Variants in TSHZ2 observed in about 807,000 individuals in gnomAD.
TSHZ2 encodes the protein teashirt homolog 2.
Under a neutral mutation model 74.4 loss-of-function variants are expected in TSHZ2, and 21 were observed. The observed-to-expected ratio is 0.28, with a 90% confidence interval of 0.20 to 0.41. The LOEUF (loss-of-function observed/expected upper bound fraction) is 0.41. Among genes scored for constraint, TSHZ2 ranks in the 10% least tolerant of loss-of-function variants. The pLI is 1.00. For synonymous variants in TSHZ2, 540 were observed against 515.3 expected (o/e 1.05, Z -0.65); for missense variants, 1,244 against 1,293.5 (o/e 0.96, Z 0.59).
At chr20:53,409,802 G>A in intron 2 of TSHZ2, among the ~76,000 whole-genome samples, 1 of 145,386 alleles carries the variant, frequency 6.9e-6, no homozygotes, top group South Asian at 2.2e-4. Flanking sequence ...CCTTGAAAAA[G>A]GTCTTCAGAA....
intron 1 of TSHZ2, among the ~76,000 whole-genome samples, chr20:53,050,523 T>C (rs567201129): frequency 6.6e-5 from 10 of 152,324 alleles, no homozygotes; most frequent in Non-Finnish European, 1.3e-4. Context: ...TCAAAGAATG[T>C]CTTGCCCGCA....
At chr20:53,458,582 A>C (rs1439350514) in intron 2 of TSHZ2, among the ~76,000 whole-genome samples, 1 of 151,692 alleles carries the variant, frequency 6.6e-6, no homozygotes, top group Non-Finnish European at 1.5e-5. Flanking sequence ...CTCTGATTTT[A>C]GTTATTTCTT....
intron 1 of TSHZ2, among the ~76,000 whole-genome samples, chr20:53,030,490 T>C (rs1004145256): frequency 3.3e-5 from 5 of 152,184 alleles, no homozygotes; most frequent in Non-Finnish European, 7.4e-5. Context: ...CAGAAGGTTT[T>C]AGGTTGCTGT....
chr20:53,243,910 A>G (rs1318364354), intron 1 of TSHZ2, among the ~76,000 whole-genome samples: 1 of 151,230 alleles, frequency 6.6e-6, no homozygotes, highest in Non-Finnish European at 1.5e-5. Flanking sequence ...AAATTTGTCC[A>G]TTCTTGGCTA....
At chr20:53,334,253 G>T (rs142007267) in intron 2 of TSHZ2, among the ~76,000 whole-genome samples, 1 of 152,198 alleles carries the variant, frequency 6.6e-6, no homozygotes, top group African/African-American at 2.4e-5. Flanking sequence ...ACAACAGCTC[G>T]TGGGAGGGGG....
chr20:53,233,512 T>C (rs1989874161), intron 1 of TSHZ2, among the ~76,000 whole-genome samples: 1 of 152,198 alleles, frequency 6.6e-6, no homozygotes, highest in Admixed American at 6.5e-5. Flanking sequence ...AACTGTAGCA[T>C]TTTCTCATAA....
chr20:53,303,205 C>T (rs73276320), intron 2 of TSHZ2, among the ~76,000 whole-genome samples: 248 of 152,274 alleles, frequency 1.6e-3, no homozygotes, highest in African/African-American at 5.7e-3. Context: ...ACTTTAGACA[C>T]CCCCCAAGAC....
chr20:53,231,775 C>T (rs1370644395), intron 1 of TSHZ2, among the ~76,000 whole-genome samples: 2 of 152,220 alleles, frequency 1.3e-5, no homozygotes, highest in African/African-American at 4.8e-5. Flanking sequence ...TGTTGCTCAC[C>T]TGTCGCTAAG....
At position 52,984,036 on chromosome 20, in the gene TSHZ2, A is replaced by G. The variant is rs1480757981; in HGVS notation, c.40+10703A>G. Among the ~76,000 whole-genome samples, 9 of 152,226 alleles carry G rather than the reference A, an allele frequency of 5.9e-5. No individual in the cohort carries two copies. The East Asian group carries it at 1.7e-3, about 29-fold the overall frequency. ...TTCACTTTTTAATTGTCACCTCCAG[A>G]TAAGTGCCTGAGAGCAGGAAGAAGG... On this transcript the variant is annotated intron_variant, in intron 1 of 2. Transcript: ENST00000371497.
Position 53,254,390 on chromosome 20 carries a change from C to T in TSHZ2, c.932C>T (p.Thr311Ile). 1.2e-6 allele frequency: 2 copies of T among 1,614,012 alleles called. No homozygotes were observed. The highest frequency in any genetic ancestry group is 1.3e-5 in the African/African-American group (1 of 75,042). ...GTGCCTTTGAAGGAGCCAGTCCCAA[C>T]CATTTCCTCGAAAATGGTCACCCCG... ...QKVPLKEPVP[T>I]ISSKMVTPAK... Residue 311 changes from threonine (T) to isoleucine (I), a missense_variant, in exon 2 of 3, where the codon ACC becomes ATC. Transcript: ENST00000371497.
intron 2 of TSHZ2, among the ~76,000 whole-genome samples, chr20:53,418,114 G>A (rs1228168706): frequency 6.6e-6 from 1 of 152,204 alleles, no homozygotes; most frequent in African/African-American, 2.4e-5. Context: ...TCTTGCTATG[G>A]AGGGAATATT....
chr20:53,247,165 CTTATG>C (rs1186100398), intron 1 of TSHZ2, among the ~76,000 whole-genome samples: 2 of 152,222 alleles, frequency 1.3e-5, no homozygotes, highest in African/African-American at 4.8e-5. Flanking sequence ...ATCAGTAACA[CTTATG>C]TTATATGTGG....
chr20:53,306,373 G>A (rs56048016), intron 2 of TSHZ2, among the ~76,000 whole-genome samples: 3 of 152,268 alleles, frequency 2.0e-5, no homozygotes, highest in Admixed American at 6.5e-5. Context: ...CGTGTATTTT[G>A]CTTCTCCAGC....
chr20:53,109,523 T>C (rs191382415), intron 1 of TSHZ2, among the ~76,000 whole-genome samples: 2 of 152,370 alleles, frequency 1.3e-5, no homozygotes, highest in East Asian at 3.9e-4. Context: ...TAGCTGGACC[T>C]GAAGACGTAG....
At chr20:53,448,663 C>G (rs1984654014) in intron 2 of TSHZ2, among the ~76,000 whole-genome samples, 1 of 152,178 alleles carries the variant, frequency 6.6e-6, no homozygotes, top group African/African-American at 2.4e-5. Flanking sequence ...TGGTGTCTGA[C>G]AGCTTCTGTT....
At chr20:53,039,882 C>A in intron 1 of TSHZ2, among the ~76,000 whole-genome samples, 1 of 152,008 alleles carries the variant, frequency 6.6e-6, no homozygotes, top group South Asian at 2.1e-4. Flanking sequence ...CCAAAGTGGG[C>A]GGATCACAAG....
chr20:53,341,283 G>A (rs776427141), intron 2 of TSHZ2, among the ~76,000 whole-genome samples: 1 of 152,128 alleles, frequency 6.6e-6, no homozygotes, highest in Non-Finnish European at 1.5e-5. Flanking sequence ...ACCAGGGAAC[G>A]AATACAACAA....
intron 2 of TSHZ2, among the ~76,000 whole-genome samples, chr20:53,471,733 C>T (rs1985807566): frequency 6.6e-6 from 1 of 150,600 alleles, no homozygotes; most frequent in African/African-American, 2.4e-5. Flanking sequence ...AGAGGGATGG[C>T]AAGACCAGAT....
intron 1 of TSHZ2, among the ~76,000 whole-genome samples, chr20:53,243,946 G>A (rs911258414): frequency 5.3e-5 from 8 of 151,738 alleles, no homozygotes; most frequent in Non-Finnish European, 1.0e-4. Context: ...TTTGAGAAAA[G>A]GCAATGAGAA....
Sources: allele counts gnomAD v4.1 joint callset (sites outside exome capture counted in the v4.1 genomes callset), GRCh38; gene constraint gnomAD v4.1.1; transcripts MANE v1.5; gene names NCBI Gene and HGNC (gene_info 2026-07-23, HGNC 2026-07-21).